Variants in TLCD4 observed in about 807,000 individuals in gnomAD.
TLCD4 encodes TLC domain containing 4, also known as TLC domain-containing protein 4.
Under a neutral mutation model 24.2 loss-of-function variants are expected in TLCD4, and 7 were observed. That is an observed-to-expected ratio of 0.29 (90% confidence interval 0.16 to 0.54). The LOEUF is 0.54. Among genes scored for constraint, TLCD4 ranks in the 20% least tolerant of loss-of-function variants. The probability of loss-of-function intolerance (pLI) is 0.95; values close to 1 mark genes in which losing one functional copy is unlikely to be tolerated. For missense variants in TLCD4, 259 were observed against 313.9 expected (o/e 0.82, Z 1.32); for synonymous variants, 103 against 106.4 (o/e 0.97, Z 0.20).
the TLCD4 span, among the ~76,000 whole-genome samples, chr1:95,102,105 G>GGA: frequency 1.3e-5 from 2 of 152,028 alleles, no homozygotes; most frequent in African/African-American, 2.4e-5. Context: ...ATGAAGTTGC[G>GGA]GAGAGAGAGA....
intron 5 of TLCD4, among the ~76,000 whole-genome samples, chr1:95,152,193 TG>T (rs1334964163): frequency 6.6e-6 from 1 of 152,074 alleles, no homozygotes; most frequent in African/African-American, 2.4e-5. Context: ...GATGAAATGA[TG>T]AATGTTAACA....
At chr1:95,132,504 A>G (rs1676925817) in intron 1 of TLCD4, among the ~76,000 whole-genome samples, 1 of 150,652 alleles carries the variant, frequency 6.6e-6, no homozygotes, top group African/African-American at 2.4e-5. Context: ...CTGTTACAGC[A>G]CCACAAAACC....
upstream of TLCD4, among the ~76,000 whole-genome samples, chr1:95,113,304 C>T (rs1288559446): frequency 6.6e-6 from 1 of 152,122 alleles, no homozygotes; most frequent in African/African-American, 2.4e-5. Context: ...TCTAGGCCTC[C>T]CAAAGTGCTG....
intron 1 of TLCD4, among the ~76,000 whole-genome samples, chr1:95,119,628 G>A (rs1252008273): frequency 1.3e-5 from 2 of 152,168 alleles, no homozygotes; most frequent in Non-Finnish European, 2.9e-5. Context: ...CTTTGAGAGT[G>A]TTTCTGGCTC....
At chr1:95,110,767 G>A in the TLCD4 span, among the ~76,000 whole-genome samples, 6 of 151,266 alleles carry the variant, frequency 4.0e-5, no homozygotes, top group East Asian at 4.0e-4. Flanking sequence ...GCGCATGCCT[G>A]TAGTGCATGC....
At chr1:95,106,310 G>T in the TLCD4 span, among the ~76,000 whole-genome samples, 2 of 152,070 alleles carry the variant, frequency 1.3e-5, no homozygotes, top group African/African-American at 4.8e-5. Context: ...TTACCACAGA[G>T]AATTTTAAAA....
chr1:95,116,803 G>A (rs1232239493), upstream of TLCD4, among the ~76,000 whole-genome samples: 2 of 152,164 alleles, frequency 1.3e-5, no homozygotes, highest in Non-Finnish European at 2.9e-5. Flanking sequence ...GTGCACCCAT[G>A]AGGGTGTTTT....
In TLCD4 at chr1:95,148,737, T is replaced by C. The variant is rs1371637606; in HGVS notation, c.191T>C (p.Ile64Thr). ...VSTCHSLVVGIFGLYIFLFDE... is the reference protein window; with the variant it reads ...VSTCHSLVVGTFGLYIFLFDE... Reference sequence around the variant, plus strand: ...ACATGCCATTCTTTGGTGGTTGGTATTTTTGGCCTGTACATTTTCTTATTC... The same window carrying C: ...ACATGCCATTCTTTGGTGGTTGGTACTTTTGGCCTGTACATTTTCTTATTC... The change falls in exon 3 of 7, where the codon ATT (isoleucine) becomes ACT (threonine). Residue 64 changes from isoleucine (I) to threonine (T), a missense_variant. Ile to Thr is a moderately conservative substitution (Grantham distance 89, BLOSUM62 -1). Coordinates refer to ENST00000370203, the MANE Select transcript of TLCD4 (RefSeq NM_152487.3). The C allele has an allele frequency of 3.1e-6, 5 of 1,613,414 alleles. No homozygotes were observed. Among genetic ancestry groups the C allele is most frequent in the East Asian group, 4.5e-5 (2 of 44,824 alleles).
chr1:95,184,352 CTT>C (rs11322991), intron 6 of TLCD4, among the ~76,000 whole-genome samples: 7,530 of 150,644 alleles, frequency 0.05, 226 homozygotes, highest in Middle Eastern at 0.086. Context: ...TCTTTTCTCA[CTT>C]TTTTTTTTTC....
chr1:95,148,701 G>A lies in TLCD4; in HGVS notation c.156-1G>A, dbSNP rs748659761. The A allele has an allele frequency of 6.2e-7, 1 of 1,612,854 alleles. No individual in the cohort carries two copies. The highest frequency in any genetic ancestry group is 8.5e-7 in the Non-Finnish European group (1 of 1,179,598). On this transcript the variant is annotated splice_acceptor_variant, in intron 2 of 6. Transcript: ENST00000370203. LOFTEE classifies it high-confidence loss of function. ...TTTGTGTGTATTTTGTTTAATTTCA[G>A]GGTAGTATCCACATGCCATTCTTTG...
rs1015982868 is a variant in TLCD4 at position 95,182,978 on chromosome 1, A to T, written c.474-8572A>T. Among the ~76,000 whole-genome samples the T allele has an allele frequency of 3.3e-5, 5 of 152,176 alleles. No individual in the cohort carries two copies. The East Asian group carries it at 7.7e-4, about 23-fold the overall frequency. On this transcript the variant is annotated intron_variant, in intron 6 of 6. Transcript: ENST00000370203. ...TATGTCTTAGGGGTAGGGTGGATAG[A>T]TGTAGAGGATGTTGAGTGTCTGGGA...
chr1:95,135,395 C>CTTT (rs1188061128), intron 1 of TLCD4, among the ~76,000 whole-genome samples: 16 of 130,502 alleles, frequency 1.2e-4, no homozygotes, highest in Admixed American at 2.3e-4. Flanking sequence ...TTTTTGTACA[C>CTTT]TTTTTTTTTT....
At chr1:95,163,029 C>T (rs901459983) in intron 5 of TLCD4, among the ~76,000 whole-genome samples, 3 of 152,038 alleles carry the variant, frequency 2.0e-5, no homozygotes, top group African/African-American at 7.2e-5. Context: ...TCTGTATTTC[C>T]TGAATTTGAA....
At chr1:95,139,581 C>T (rs773285055) in intron 1 of TLCD4, among the ~76,000 whole-genome samples, 36 of 151,322 alleles carry the variant, frequency 2.4e-4, no homozygotes, top group Non-Finnish European at 3.4e-4. Context: ...GCCTCAGCCT[C>T]CTGAGTTGGT....
Position 95,195,526 on chromosome 1 carries a change from A to G in TLCD4, c.*3658A>G, listed in dbSNP as rs145449779. ...GTATTGACATCATCAATAATACTTC[A>G]TAAAGGTTTATGTATTTTTATGTGT... On this transcript the variant is annotated 3_prime_UTR_variant, in exon 7 of 7. Coordinates refer to ENST00000370203, the MANE Select transcript of TLCD4 (RefSeq NM_152487.3). 2.6e-5 allele frequency: 4 copies of G among 152,340 alleles called. No individual in the cohort carries two copies. The East Asian group carries it at 7.7e-4, about 29-fold the overall frequency. The allele number at this position is 152,340 out of a possible 1,614,324, so 9.4% of individuals were successfully genotyped here. A position where few individuals can be genotyped will look rare whatever the true frequency, so the allele number is the denominator to read the frequency against.
chr1:95,165,421 T>A (rs1349092771), intron 5 of TLCD4, among the ~76,000 whole-genome samples: 4 of 152,150 alleles, frequency 2.6e-5, no homozygotes, highest in East Asian at 1.9e-4. Flanking sequence ...AAAGAATAAT[T>A]TTGTTGAGTG....
chr1:95,117,101 C>T (rs2100893037), upstream of TLCD4, among the ~76,000 whole-genome samples: 1 of 152,350 alleles, frequency 6.6e-6, no homozygotes, highest in African/African-American at 2.4e-5. Flanking sequence ...CGGGCTCACA[C>T]AGTTCCCCCG....
intron 6 of TLCD4, among the ~76,000 whole-genome samples, chr1:95,188,954 A>G (rs1198731258): frequency 6.6e-6 from 1 of 152,298 alleles, no homozygotes; most frequent in East Asian, 1.9e-4. Context: ...ACCTGGAAAT[A>G]TGCTGACCTG....
chr1:95,170,635 C>G (rs951314440), intron 5 of TLCD4, among the ~76,000 whole-genome samples: 5 of 152,050 alleles, frequency 3.3e-5, no homozygotes. Flanking sequence ...AGCCATAATG[C>G]AAATCTTTCT....
Sources: gnomAD v4.1 joint callset for allele counts (sites outside exome capture counted in the v4.1 genomes callset) on GRCh38, gnomAD v4.1.1 for gene constraint, MANE v1.5 for transcripts, NCBI Gene and HGNC (gene_info 2026-07-23, HGNC 2026-07-21) for gene names.